The following SLC16A7 variants were observed in gnomAD, a reference collection of about 807,000 sequenced individuals.
The protein encoded by SLC16A7 is monocarboxylate transporter 2.
In SLC16A7, 33 loss-of-function variants were observed where a neutral mutation model predicts 34.9. That is an observed-to-expected ratio of 0.94 (90% CI 0.72 to 1.26). The LOEUF is 1.26. Among genes scored for constraint, SLC16A7 ranks in the 50% most tolerant of loss-of-function variants. The pLI is 0.00. For missense variants in SLC16A7, 573 were observed against 578.1 expected (o/e 0.99, Z 0.09); for synonymous variants, 201 against 206.6 (o/e 0.97, Z 0.23).
At chr12:59,654,503 A>C (rs1386562873) in intron 1 of SLC16A7, among the ~76,000 whole-genome samples, 1 of 151,946 alleles carries the variant, frequency 6.6e-6, no homozygotes, top group African/African-American at 2.4e-5. Context: ...TCATATCATC[A>C]AAGAACATAC....
intron 1 of SLC16A7, among the ~76,000 whole-genome samples, chr12:59,602,657 G>T (rs931983096): frequency 2.6e-5 from 4 of 151,474 alleles, no homozygotes; most frequent in Non-Finnish European, 5.9e-5. Context: ...CTAATTTTTT[G>T]TATTTTTAGT....
At chr12:59,597,708 G>A (rs1878488325) in intron 1 of SLC16A7, among the ~76,000 whole-genome samples, 1 of 152,138 alleles carries the variant, frequency 6.6e-6, no homozygotes, top group Non-Finnish European at 1.5e-5. Flanking sequence ...TTCTGACTGA[G>A]CAGATTACAT....
intron 1 of SLC16A7, among the ~76,000 whole-genome samples, chr12:59,630,386 C>T (rs762723625): frequency 4.0e-5 from 6 of 151,856 alleles, no homozygotes; most frequent in Non-Finnish European, 7.4e-5. Context: ...GCTTTAGAAG[C>T]ACTGGCTATT....
chr12:59,768,030 C>G, intron 3 of SLC16A7: 1 of 377,818 alleles, frequency 2.6e-6, no homozygotes, highest in Non-Finnish European at 5.2e-6. Flanking sequence ...CAACATGGCC[C>G]ATGTATACAT....
chr12:59,722,011 T>G (rs1230196369), intron 3 of SLC16A7, among the ~76,000 whole-genome samples: 1 of 151,968 alleles, frequency 6.6e-6, no homozygotes, highest in East Asian at 1.9e-4. Context: ...CACCTTCTCA[T>G]GACTGTAGCT....
rs986511366 is a variant in SLC16A7, at chr12:59,781,402, A to G, written c.*1723A>G. Reference sequence around the variant, plus strand: ...GCAGGTGCTATTTTTTTCTGGTGAGATTGCACCTGGATACCAGGCTTTTGT... The same window carrying G: ...GCAGGTGCTATTTTTTTCTGGTGAGGTTGCACCTGGATACCAGGCTTTTGT... On this transcript the variant is annotated 3_prime_UTR_variant, in exon 6 of 6. Transcript: ENST00000547379. 6.6e-6 allele frequency: 1 copy of G among 152,448 alleles called. No homozygotes were observed. The highest frequency in any genetic ancestry group is 1.5e-5 in the Non-Finnish European group (1 of 67,974). 9.4% of individuals were successfully genotyped at this position (152,448 alleles called of 1,614,324 possible).
intron 2 of SLC16A7, among the ~76,000 whole-genome samples, chr12:59,659,120 G>T (rs1192277438): frequency 6.6e-6 from 1 of 151,944 alleles, no homozygotes; most frequent in Non-Finnish European, 1.5e-5. Context: ...ATTAAATTAT[G>T]CAAGGTTCTA....
At chr12:59,681,802 T>C (rs1870769071) in intron 2 of SLC16A7, among the ~76,000 whole-genome samples, 1 of 152,164 alleles carries the variant, frequency 6.6e-6, no homozygotes, top group Admixed American at 6.5e-5. Context: ...TGTGGGCATA[T>C]AGGGAATCAA....
intron 1 of SLC16A7, among the ~76,000 whole-genome samples, chr12:59,621,563 A>C (rs921516228): frequency 6.6e-6 from 1 of 151,846 alleles, no homozygotes; most frequent in Non-Finnish European, 1.5e-5. Flanking sequence ...CCAGGCTACT[A>C]ATTGTTTTCC....
At chr12:59,658,000 C>T (rs1476746642) in intron 2 of SLC16A7, among the ~76,000 whole-genome samples, 1 of 151,926 alleles carries the variant, frequency 6.6e-6, no homozygotes, top group Non-Finnish European at 1.5e-5. Context: ...TGTCTTTTGA[C>T]ACCCTAGGTT....
chr12:59,682,543 G>A (rs375099272), intron 2 of SLC16A7, among the ~76,000 whole-genome samples: 1 of 152,046 alleles, frequency 6.6e-6, no homozygotes, highest in African/African-American at 2.4e-5. Flanking sequence ...ATGTAGTATG[G>A]TATAATCAAA....
At chr12:59,605,605 A>T (rs79246952) in intron 1 of SLC16A7, among the ~76,000 whole-genome samples, 2,220 of 152,310 alleles carry the variant, frequency 0.015, 46 homozygotes, top group African/African-American at 0.051. Flanking sequence ...ACTGTTTTGG[A>T]TGTTAGAGAG....
At chr12:59,769,107 C>G (rs1393242633) in intron 3 of SLC16A7, 1 of 152,112 alleles carries the variant, frequency 6.6e-6, no homozygotes, top group Non-Finnish European at 1.5e-5. Flanking sequence ...AGCAAAAAGA[C>G]TGAAAATCAC....
rs1883396154 is a variant in SLC16A7 at position 59,783,552 on chromosome 12, A to G, written c.*3873A>G. 1 of 152,216 alleles carries G rather than the reference A, an allele frequency of 6.6e-6. No individual in the cohort carries two copies. The highest frequency in any genetic ancestry group is 1.5e-5 in the Non-Finnish European group (1 of 68,030). 9.4% of individuals were successfully genotyped at this position (152,216 alleles called of 1,614,324 possible). ...ACAAAAAAGATACATCCTATATAGT[A>G]AAACAATTAGGTTTAACTGTAACTT... On this transcript the variant is annotated 3_prime_UTR_variant, in exon 6 of 6. Transcript: ENST00000547379.
chr12:59,786,857 T>C lies in SLC16A7; in HGVS notation c.*7178T>C, dbSNP rs917296515. 1.3e-5 allele frequency: 2 copies of C among 152,130 alleles called. No homozygotes were observed. The highest frequency in any genetic ancestry group is 2.9e-5 in the Non-Finnish European group (2 of 67,980). The allele number at this position is 152,130 out of a possible 1,614,324, so 9.4% of individuals were successfully genotyped here. A position where few individuals can be genotyped will look rare whatever the true frequency, so the allele number is the denominator to read the frequency against. On this transcript the variant is annotated 3_prime_UTR_variant, in exon 6 of 6. Transcript: ENST00000547379. The stretch of plus-strand genomic sequence containing the variant: ...ATAATGATGATCTTTGTAGAGTAAA[T>C]AAAATATTTTCCTAGAAATATATAT...
intron 4 of SLC16A7, among the ~76,000 whole-genome samples, chr12:59,773,929 A>C (rs1361709631): frequency 6.6e-6 from 1 of 152,192 alleles, no homozygotes; most frequent in Non-Finnish European, 1.5e-5. Context: ...AGTGAGCTAC[A>C]AGAGGTAATT....
At chr12:59,717,176 CTG>C (rs958931095) in intron 3 of SLC16A7, among the ~76,000 whole-genome samples, 19 of 152,162 alleles carry the variant, frequency 1.2e-4, no homozygotes, top group Admixed American at 3.9e-4. Flanking sequence ...GATCTAGAGA[CTG>C]AGAAAATTTT....
At chr12:59,680,473 C>A (rs1176538376) in intron 2 of SLC16A7, among the ~76,000 whole-genome samples, 9 of 152,138 alleles carry the variant, frequency 5.9e-5, no homozygotes. Flanking sequence ...GAAGGAGGTT[C>A]TTTAGCCTCT....
intron 2 of SLC16A7, among the ~76,000 whole-genome samples, chr12:59,672,616 A>C (rs1188779398): frequency 6.6e-6 from 1 of 151,936 alleles, no homozygotes; most frequent in African/African-American, 2.4e-5. Context: ...ATCATCATTT[A>C]GGTTAGATAT....
Sources: allele counts gnomAD v4.1 joint callset (sites outside exome capture counted in the v4.1 genomes callset), GRCh38; gene constraint gnomAD v4.1.1; transcripts MANE v1.5; gene names NCBI Gene and HGNC (gene_info 2026-07-23, HGNC 2026-07-21).